The following ENO4 variants were observed in gnomAD, a reference collection of about 807,000 sequenced individuals.
The protein encoded by ENO4 is 2-phospho-D-glycerate hydro-lyase.
In ENO4, 53 loss-of-function variants were observed where a neutral mutation model predicts 63.2. That is an observed-to-expected ratio of 0.84 (90% CI 0.67 to 1.05). ENO4 has a LOEUF of 1.05. Ranked by LOEUF, ENO4 falls within the 50% of genes least tolerant of loss-of-function variation. The pLI is 0.00. For missense variants in ENO4, 719 were observed against 772.0 expected, an observed-to-expected ratio of 0.93 and a Z score of 0.81; for synonymous variants, 266 against 283.8, an observed-to-expected ratio of 0.94 and a Z score of 0.63.
chr10:116,900,482 G>A, intron 10 of ENO4: 1 of 1,423,362 alleles, frequency 7.0e-7, no homozygotes, highest in Non-Finnish European at 9.6e-7. Context: ...ACTTACTTTT[G>A]GAGAACAAAA....
chr10:116,886,153 A>G, downstream of ENO4: 2 of 763,588 alleles, frequency 2.6e-6, no homozygotes, highest in Non-Finnish European at 4.1e-6. Flanking sequence ...AAAACCTACT[A>G]GGAATGTGTG....
chr10:116,865,621 C>T (rs550067095), intron 7 of ENO4, among the ~76,000 whole-genome samples: 55 of 152,274 alleles, frequency 3.6e-4, no homozygotes, highest in African/African-American at 1.2e-3. Context: ...GGCAGTGACT[C>T]TCAACCAGCA....
At chr10:116,870,049 A>G (rs1846647544) in intron 8 of ENO4, among the ~76,000 whole-genome samples, 1 of 152,214 alleles carries the variant, frequency 6.6e-6, no homozygotes, top group Non-Finnish European at 1.5e-5. Context: ...GTTGATGGAC[A>G]AAAATTTCCC....
At chr10:116,879,837 C>T in intron 12 of ENO4, 32 bp from the exon 13 acceptor site, 1 of 1,478,424 alleles carries the variant, frequency 6.8e-7, no homozygotes, top group Non-Finnish European at 9.2e-7. Flanking sequence ...CATGGCTCCT[C>T]CGTCTAAAAT....
At chr10:116,907,765 A>T in intron 10 of ENO4, 1 of 442,618 alleles carries the variant, frequency 2.3e-6, no homozygotes, top group South Asian at 1.6e-5. Context: ...ATCAGAGGAC[A>T]TAAGAACCTC....
intron 10 of ENO4, chr10:116,906,849 G>C (rs988064025): frequency 2.1e-6 from 2 of 963,150 alleles, no homozygotes; most frequent in Non-Finnish European, 2.9e-6. Flanking sequence ...AATTTGAATG[G>C]AATTATGAAA....
chr10:116,861,305 A>C (rs1296580089), intron 6 of ENO4, 115 bp downstream of exon 6: 1 of 315,442 alleles, frequency 3.2e-6, no homozygotes, highest in East Asian at 9.2e-5. Flanking sequence ...TAAAATGAGA[A>C]AAAAAATATT....
intron 10 of ENO4, chr10:116,900,634 G>A: frequency 1.3e-6 from 2 of 1,518,464 alleles, no homozygotes; most frequent in Non-Finnish European, 1.8e-6. Flanking sequence ...TTTGTGTCTG[G>A]ATATTGGTTC....
intron 8 of ENO4, among the ~76,000 whole-genome samples, chr10:116,870,630 A>C (rs977304952): frequency 6.6e-6 from 1 of 152,158 alleles, no homozygotes; most frequent in Non-Finnish European, 1.5e-5. Flanking sequence ...ACAGAGCAAG[A>C]CACTATCTCA....
intron 10 of ENO4, chr10:116,900,595 A>T: frequency 6.5e-7 from 1 of 1,531,282 alleles, no homozygotes; most frequent in South Asian, 1.2e-5. Context: ...AGCATTTATC[A>T]GAAACTAACT....
chr10:116,875,753 G>A (rs1178552094), intron 10 of ENO4, among the ~76,000 whole-genome samples: 1 of 152,126 alleles, frequency 6.6e-6, no homozygotes. Context: ...ATCCTTAGCA[G>A]CATTATAGAC....
In ENO4 at chr10:116,849,638, G is replaced by A; in HGVS notation, c.72G>A (p.Met24Ile). Residue 24 changes from methionine (M) to isoleucine (I), a missense_variant, in exon 1 of 14, where the codon ATG (methionine) becomes ATA (isoleucine). Physicochemically the swap from Met to Ile is conservative, Grantham distance 10 (BLOSUM62 1). Transcript: ENST00000341276. ...RELQKLKQQA[M>I]EYYRENDVPR... ...TGCAGAAGCTGAAGCAGCAGGCGAT[G>A]GAGTACTACCGGGAGAACGACGTTC... 6.5e-7 allele frequency: 1 copy of A among 1,550,294 alleles called. No individual in the cohort carries two copies. Among genetic ancestry groups the A allele is most frequent in the East Asian group, 2.4e-5 (1 of 40,870 alleles).
intron 1 of ENO4, among the ~76,000 whole-genome samples, chr10:116,854,253 T>C (rs1156971527): frequency 1.3e-5 from 2 of 152,104 alleles, no homozygotes; most frequent in Non-Finnish European, 2.9e-5. Flanking sequence ...CGTGCCTTGC[T>C]GGGAGGAATA....
chr10:116,896,562 TATGTCCAAAA>T (rs1254142601), intron 10 of ENO4, among the ~76,000 whole-genome samples: 1 of 152,210 alleles, frequency 6.6e-6, no homozygotes, highest in Non-Finnish European at 1.5e-5. Flanking sequence ...AACTGATAGC[TATGTCCAAAA>T]ATTGAATCCA....
At chr10:116,899,892 C>G (rs940652833) in intron 10 of ENO4, among the ~76,000 whole-genome samples, 3 of 152,176 alleles carry the variant, frequency 2.0e-5, no homozygotes, top group African/African-American at 7.2e-5. Flanking sequence ...CTTCTCATTC[C>G]TGGAAGCTAG....
chr10:116,856,290 C>G (rs1177269700), intron 2 of ENO4, among the ~76,000 whole-genome samples: 1 of 152,052 alleles, frequency 6.6e-6, no homozygotes, highest in East Asian at 1.9e-4. Flanking sequence ...TAGGGTTTTT[C>G]TAAGGGTATT....
At chr10:116,891,697 AC>A (rs1011819958) in intron 10 of ENO4, among the ~76,000 whole-genome samples, 1 of 152,002 alleles carries the variant, frequency 6.6e-6, no homozygotes, top group African/African-American at 2.4e-5. Flanking sequence ...TCTTTTGGAA[AC>A]CCTATTTTTC....
At chr10:116,891,120 T>G (rs772020219) in intron 10 of ENO4, among the ~76,000 whole-genome samples, 22 of 152,240 alleles carry the variant, frequency 1.4e-4, no homozygotes, top group Admixed American at 1.3e-4. Flanking sequence ...AAATTCTGCA[T>G]ATCACTCAAG....
At chr10:116,883,958 G>A, downstream of ENO4, 1 of 190,428 alleles carries the variant, frequency 5.3e-6, no homozygotes, top group East Asian at 1.6e-4. Flanking sequence ...TAATAGCAAT[G>A]GCACAAAGTA....
Sources: allele counts gnomAD v4.1 joint callset (sites outside exome capture counted in the v4.1 genomes callset), GRCh38; gene constraint gnomAD v4.1.1; transcripts MANE v1.5; gene names NCBI Gene and HGNC (gene_info 2026-07-23, HGNC 2026-07-21).